Variants in SLC4A4 observed in about 807,000 individuals in gnomAD.
SLC4A4 encodes electrogenic sodium bicarbonate cotransporter 1.
Under a neutral mutation model 111.5 loss-of-function variants are expected in SLC4A4, and 27 were observed. The ratio of observed to expected loss-of-function variants is 0.24; its 90% CI spans 0.18 to 0.33. The LOEUF is 0.33. Ranked by LOEUF, SLC4A4 falls within the 10% of genes least tolerant of loss-of-function variation. The pLI is 1.00. For synonymous variants in SLC4A4, 443 were observed against 463.4 expected, an observed-to-expected ratio of 0.96 and a Z score of 0.57; for missense variants, 909 against 1,315.5, an observed-to-expected ratio of 0.69 and a Z score of 4.78.
chr4:71,122,038 C>T (rs1458128733), intron 2 of SLC4A4, among the ~76,000 whole-genome samples: 1 of 152,066 alleles, frequency 6.6e-6, no homozygotes, highest in Non-Finnish European at 1.5e-5. Context: ...CCAGCGAGAC[C>T]ACGAACCCAC....
At chr4:71,551,188 A>G (rs755417775) in intron 20 of SLC4A4, among the ~76,000 whole-genome samples, 1 of 151,962 alleles carries the variant, frequency 6.6e-6, no homozygotes, top group Non-Finnish European at 1.5e-5. Flanking sequence ...AAGAAATAAA[A>G]ATCAAGTGAA....
chr4:71,384,681 T>C (rs1718501158), intron 6 of SLC4A4, among the ~76,000 whole-genome samples: 2 of 152,024 alleles, frequency 1.3e-5, no homozygotes, highest in African/African-American at 4.8e-5. Flanking sequence ...TTTGTACACC[T>C]TTTTCCTTCA....
At chr4:71,460,257 C>T (rs1185411916) in intron 12 of SLC4A4, among the ~76,000 whole-genome samples, 3 of 152,050 alleles carry the variant, frequency 2.0e-5, no homozygotes, top group Non-Finnish European at 4.4e-5. Flanking sequence ...TATTTACCCA[C>T]ATATTTTAGT....
chr4:71,333,345 C>A (rs1728172497), intron 3 of SLC4A4, among the ~76,000 whole-genome samples: 1 of 152,260 alleles, frequency 6.6e-6, no homozygotes. Context: ...GATTACCAGG[C>A]AGAGACTCTT....
chr4:71,167,540 T>A (rs1744811521), intron 2 of SLC4A4, among the ~76,000 whole-genome samples: 1 of 152,150 alleles, frequency 6.6e-6, no homozygotes, highest in South Asian at 2.1e-4. Context: ...GGAAATATAA[T>A]CTGTGACATT....
chr4:71,429,028 T>C (rs1723403927), intron 7 of SLC4A4, among the ~76,000 whole-genome samples: 1 of 152,124 alleles, frequency 6.6e-6, no homozygotes, highest in Non-Finnish European at 1.5e-5. Flanking sequence ...TTTTAACACA[T>C]GCAGAAACAT....
chr4:71,560,366 T>G (rs1736863009), intron 23 of SLC4A4, 112 bp downstream of exon 23: 2 of 1,217,966 alleles, frequency 1.6e-6, no homozygotes, highest in Non-Finnish European at 2.3e-6. Context: ...AATGTTTATC[T>G]GGACATGTGG....
In SLC4A4 at chr4:71,545,649, G is replaced by A. The variant is rs553792879; in HGVS notation, c.2443-701G>A. On this transcript the variant is annotated intron_variant, in intron 18 of 25. Coordinates refer to ENST00000264485, the MANE Select transcript of SLC4A4 (RefSeq NM_001098484.3). ...TGACCATTGGGCAATGTTTGAAATC[G>A]GCCTATTCTGATTAAGGGAGTGTTT... Among the ~76,000 whole-genome samples, 4 of 151,866 alleles carry A rather than the reference G, an allele frequency of 2.6e-5. No individual in the cohort carries two copies. In the South Asian group the frequency reaches 6.2e-4, roughly 24 times the overall value.
At chr4:71,555,093 T>C in intron 20 of SLC4A4, 47 bp from the exon 21 acceptor site, 1 of 1,312,602 alleles carries the variant, frequency 7.6e-7, no homozygotes, top group East Asian at 2.3e-5. Context: ...TCATTCCTCT[T>C]TTTTCTTGTT....
At chr4:71,443,171 G>A (rs1455684293) in intron 8 of SLC4A4, among the ~76,000 whole-genome samples, 2 of 139,150 alleles carry the variant, frequency 1.4e-5, no homozygotes, top group Non-Finnish European at 3.0e-5. Context: ...GAAGGGGGGT[G>A]ATAGAGTCTT....
At chr4:71,524,599 T>C (rs990592889) in intron 16 of SLC4A4, among the ~76,000 whole-genome samples, 3 of 152,154 alleles carry the variant, frequency 2.0e-5, no homozygotes, top group Non-Finnish European at 1.5e-5. Context: ...GTGGGTATTA[T>C]TGAATCAAAG....
intron 16 of SLC4A4, among the ~76,000 whole-genome samples, chr4:71,508,011 A>G (rs1458509777): frequency 1.3e-5 from 2 of 152,202 alleles, no homozygotes; most frequent in African/African-American, 2.4e-5. Flanking sequence ...AAATTAAGGC[A>G]CAAATCAGGA....
intron 1 of SLC4A4, among the ~76,000 whole-genome samples, chr4:71,223,713 G>T (rs1000571104): frequency 6.6e-6 from 1 of 151,854 alleles, no homozygotes; most frequent in Non-Finnish European, 1.5e-5. Flanking sequence ...TCCTTTGTAG[G>T]GTGATCTCAC....
rs1318609532 is a variant in SLC4A4 at position 71,136,188 on chromosome 4, CAG to C, written c.-2+43397_-2+43398del. Among the ~76,000 whole-genome samples, 4 of 152,334 alleles carry C rather than the reference CAG, an allele frequency of 2.6e-5. No individual in the cohort carries two copies. In the East Asian group the frequency reaches 7.7e-4, roughly 29 times the overall value. On this transcript the variant is annotated intron_variant, in intron 2 of 26. Coordinates refer to the SLC4A4 transcript ENST00000649996. Reference sequence around the variant, plus strand: ...TCTGTGTCTAGCATTCATCTTATCTCAGGGCCTTTAGCTGGGTGCTCTAGGGC... The same window carrying C: ...TCTGTGTCTAGCATTCATCTTATCTCGGCCTTTAGCTGGGTGCTCTAGGGC...
intron 6 of SLC4A4, among the ~76,000 whole-genome samples, chr4:71,381,751 G>C (rs921300289): frequency 1.3e-5 from 2 of 152,024 alleles, no homozygotes; most frequent in African/African-American, 4.8e-5. Flanking sequence ...ACGTCTCGCT[G>C]TGTCACCCAG....
chr4:71,430,838 T>C (rs569436619), intron 7 of SLC4A4, among the ~76,000 whole-genome samples: 21 of 152,280 alleles, frequency 1.4e-4, no homozygotes, highest in South Asian at 6.2e-4. Context: ...CTTCTAAATA[T>C]TGATTTTTCC....
chr4:71,412,846 G>C (rs1721478262), intron 7 of SLC4A4, among the ~76,000 whole-genome samples: 1 of 152,150 alleles, frequency 6.6e-6, no homozygotes, highest in Non-Finnish European at 1.5e-5. Flanking sequence ...GTGTTCACTG[G>C]GTGGGGTATT....
chr4:71,414,782 G>A (rs1235147816), intron 7 of SLC4A4, among the ~76,000 whole-genome samples: 2 of 152,102 alleles, frequency 1.3e-5, no homozygotes, highest in African/African-American at 4.8e-5. Context: ...GGAGTTTGTG[G>A]GGCAGAAAGA....
intron 1 of SLC4A4, among the ~76,000 whole-genome samples, chr4:71,076,529 C>G (rs1741834424): frequency 6.7e-6 from 1 of 149,476 alleles, no homozygotes; most frequent in South Asian, 2.1e-4. Context: ...CAGACTCTGT[C>G]TTTAAAAAAA....
Sources: allele counts gnomAD v4.1 joint callset (sites outside exome capture counted in the v4.1 genomes callset), GRCh38; gene constraint gnomAD v4.1.1; transcripts MANE v1.5; gene names NCBI Gene and HGNC (gene_info 2026-07-23, HGNC 2026-07-21).